The following HDAC9 variants were observed in gnomAD, a reference collection of about 807,000 sequenced individuals.
HDAC9 encodes MEF-2 interacting transcription repressor (MITR) protein.
HDAC9 carries 41 observed loss-of-function variants against 139.4 expected under a neutral mutation model. The ratio of observed to expected loss-of-function variants is 0.29; its 90% confidence interval spans 0.23 to 0.38. HDAC9 has a LOEUF of 0.38. Among genes scored for constraint, HDAC9 ranks in the 10% least tolerant of loss-of-function variants. The pLI is 1.00. For synonymous variants in HDAC9, 517 were observed against 476.2 expected (o/e 1.09, Z -1.12); for missense variants, 1,147 against 1,297.0 (o/e 0.88, Z 1.78).
In HDAC9 at chr7:18,307,967, T is replaced by C. The variant is rs548070613; in HGVS notation, c.-42+17452T>C. 5.9e-5 allele frequency among the ~76,000 whole-genome samples: 9 copies of C among 152,360 alleles called. No homozygotes were observed. The South Asian group carries it at 1.9e-3, about 32-fold the overall frequency. On this transcript the variant is annotated intron_variant, in intron 1 of 3. Coordinates refer to the HDAC9 transcript ENST00000413509. ...CAATGGTTCTCCATCTGACTAGATA[T>C]ACTTTCCAGGAAATGAAAATACTTG...
chr7:18,896,941 T>C (rs879814558), intron 22 of HDAC9, among the ~76,000 whole-genome samples: 3 of 151,998 alleles, frequency 2.0e-5, no homozygotes, highest in Non-Finnish European at 4.4e-5. Context: ...CATTCTCAAT[T>C]CCTGAGACCA....
At chr7:18,841,243 C>G (rs946458171) in intron 21 of HDAC9, among the ~76,000 whole-genome samples, 3 of 151,584 alleles carry the variant, frequency 2.0e-5, no homozygotes, top group Admixed American at 2.0e-4. Flanking sequence ...AAAATGGGAC[C>G]ACAAGTAAAT....
chr7:18,306,161 G>A (rs552059434), intron 1 of HDAC9, among the ~76,000 whole-genome samples: 5 of 152,304 alleles, frequency 3.3e-5, no homozygotes, highest in African/African-American at 9.6e-5. Context: ...GGGGAACTCT[G>A]GAAATCTCTG....
intron 17 of HDAC9, among the ~76,000 whole-genome samples, chr7:18,799,486 G>C (rs1405040951): frequency 6.6e-6 from 1 of 152,154 alleles, no homozygotes; most frequent in East Asian, 1.9e-4. Flanking sequence ...AACTAAGCTA[G>C]ATATTTTTAA....
At chr7:18,609,792 C>T (rs1057129121) in intron 6 of HDAC9, among the ~76,000 whole-genome samples, 8 of 147,786 alleles carry the variant, frequency 5.4e-5, no homozygotes, top group South Asian at 4.5e-4. Flanking sequence ...CCCCCAACTC[C>T]GTGACAGGCC....
At chr7:18,931,988 T>C (rs1042280886) in intron 22 of HDAC9, among the ~76,000 whole-genome samples, 1 of 152,138 alleles carries the variant, frequency 6.6e-6, no homozygotes, top group Non-Finnish European at 1.5e-5. Context: ...TCAACTATAC[T>C]TTAGTTAATA....
intron 17 of HDAC9, among the ~76,000 whole-genome samples, chr7:18,795,641 A>G (rs1481144094): frequency 6.6e-6 from 1 of 152,238 alleles, no homozygotes; most frequent in Admixed American, 6.5e-5. Flanking sequence ...CACTGGTACT[A>G]TGCTGACAGG....
At chr7:18,907,507 A>G (rs184841755) in intron 22 of HDAC9, among the ~76,000 whole-genome samples, 5 of 152,352 alleles carry the variant, frequency 3.3e-5, no homozygotes, top group Non-Finnish European at 5.9e-5. Flanking sequence ...TTGCTAGTGT[A>G]AGAATTCCCT....
chr7:18,435,173 A>C (rs540291782), intron 1 of HDAC9, among the ~76,000 whole-genome samples: 1 of 152,080 alleles, frequency 6.6e-6, no homozygotes, highest in South Asian at 2.1e-4. Flanking sequence ...CAAGTACTGC[A>C]TATTCTTACT....
chr7:18,533,481 T>C (rs1428005913), intron 2 of HDAC9, among the ~76,000 whole-genome samples: 1 of 152,218 alleles, frequency 6.6e-6, no homozygotes, highest in Non-Finnish European at 1.5e-5. Flanking sequence ...TTTTCAATGA[T>C]AGATTTGTAT....
chr7:18,443,385 T>C (rs974704093), intron 1 of HDAC9, among the ~76,000 whole-genome samples: 6 of 152,194 alleles, frequency 3.9e-5, no homozygotes, highest in Non-Finnish European at 8.8e-5. Context: ...CTCACCTCTC[T>C]TGTAAATACC....
At chr7:18,385,980 G>T (rs376783168) in intron 1 of HDAC9, among the ~76,000 whole-genome samples, 8 of 150,486 alleles carry the variant, frequency 5.3e-5, no homozygotes, top group Non-Finnish European at 1.2e-4. Flanking sequence ...AATGTTTAAC[G>T]CACTCTTTGT....
intron 2 of HDAC9, among the ~76,000 whole-genome samples, chr7:18,557,776 A>T (rs1309228600): frequency 6.6e-6 from 1 of 150,418 alleles, no homozygotes; most frequent in African/African-American, 2.4e-5. Context: ...CAAAAATGAA[A>T]TATTATTTAT....
chr7:18,309,573 G>A (rs1011190534), intron 1 of HDAC9, among the ~76,000 whole-genome samples: 5 of 152,136 alleles, frequency 3.3e-5, no homozygotes, highest in African/African-American at 7.2e-5. Context: ...TACAGTATGT[G>A]TGCTGAGTAT....
At chr7:18,128,093 A>G (rs1426955982) in intron 1 of HDAC9, among the ~76,000 whole-genome samples, 1 of 152,088 alleles carries the variant, frequency 6.6e-6, no homozygotes, top group Non-Finnish European at 1.5e-5. Context: ...CTATATACCA[A>G]CATAGTAGCA....
intron 1 of HDAC9, among the ~76,000 whole-genome samples, chr7:18,142,713 T>C (rs1785995903): frequency 6.6e-6 from 1 of 152,212 alleles, no homozygotes; most frequent in Non-Finnish European, 1.5e-5. Flanking sequence ...AGGCCTTTGA[T>C]TTCAGGTGGC....
intron 21 of HDAC9, among the ~76,000 whole-genome samples, chr7:18,869,003 A>G (rs1201461793): frequency 6.6e-6 from 1 of 152,168 alleles, no homozygotes; most frequent in African/African-American, 2.4e-5. Flanking sequence ...CTTCATTTGT[A>G]GCCTTTGAAT....
rs572954065 is a variant in HDAC9, at chr7:18,395,599, A to C, written c.-41-100663A>C. Among the ~76,000 whole-genome samples the C allele has an allele frequency of 1.5e-4, 22 of 151,158 alleles. 1 individual carries two copies. The highest frequency in any genetic ancestry group is 5.3e-4 in the African/African-American group (22 of 41,372). On this transcript the variant is annotated intron_variant, in intron 1 of 3. Transcript: ENST00000413509. The stretch of plus-strand genomic sequence containing the variant: ...TGGGAAGGAGAGAATTCTTTGTTAG[A>C]GTATTCTCAAGTTTGATTATTTTTT...
intron 1 of HDAC9, among the ~76,000 whole-genome samples, chr7:18,112,454 T>A (rs1338924078): frequency 6.6e-6 from 1 of 152,206 alleles, no homozygotes; most frequent in African/African-American, 2.4e-5. Context: ...TGAACTGTCA[T>A]CCAATTCAAT....
Sources: gnomAD v4.1 joint callset for allele counts (sites outside exome capture counted in the v4.1 genomes callset) on GRCh38, gnomAD v4.1.1 for gene constraint, MANE v1.5 for transcripts, NCBI Gene and HGNC (gene_info 2026-07-23, HGNC 2026-07-21) for gene names.